RTL4: variants seen among roughly 807,000 people sequenced by gnomAD.
RTL4 encodes retrotransposon Gag-like protein 4.
A neutral mutation model predicts 5.3 loss-of-function variants in RTL4; 4 were observed. The observed-to-expected ratio is 0.75, with a 90% CI of 0.37 to 1.72. RTL4 has a LOEUF of 1.72. RTL4 is among the 40% of genes most tolerant of loss of function. The pLI, the probability that RTL4 is intolerant of heterozygous loss-of-function variation, is 0.04. For synonymous variants in RTL4, 98 were observed against 87.3 expected (o/e 1.12, Z -0.68); for missense variants, 260 against 227.1 (o/e 1.14, Z -0.93).
chrX:112,112,945 G>A, the RTL4 span, among the ~76,000 whole-genome samples: 9 of 111,497 alleles, frequency 8.1e-5, no homozygotes, highest in East Asian at 2.6e-3. Context: ...AGGGTATAGG[G>A]GTTGGGTACA....
At chrX:112,432,826 T>C in the RTL4 span, among the ~76,000 whole-genome samples, 1 of 111,290 alleles carries the variant, frequency 9.0e-6, no homozygotes, top group Admixed American at 9.6e-5. Context: ...GCCTGAATGA[T>C]ATTGCCTAGG....
chrX:112,095,782 G>A, the RTL4 span, among the ~76,000 whole-genome samples: 1 of 111,370 alleles, frequency 9.0e-6, no homozygotes, highest in African/African-American at 3.3e-5. Context: ...GGGTGGCTGA[G>A]GTACAGTGGT....
the RTL4 span, among the ~76,000 whole-genome samples, chrX:112,226,946 A>C: frequency 1.3e-5 from 1 of 76,879 alleles, no homozygotes; most frequent in African/African-American, 7.3e-5. Flanking sequence ...AAAATAAAAT[A>C]AAAATAAAAT....
the RTL4 span, among the ~76,000 whole-genome samples, chrX:112,228,065 A>G: frequency 4.5e-5 from 5 of 111,738 alleles, no homozygotes; most frequent in African/African-American, 1.6e-4. Context: ...ACATGCTTGT[A>G]AGCACTTGCT....
the RTL4 span, among the ~76,000 whole-genome samples, chrX:112,387,665 T>A: frequency 8.9e-6 from 1 of 112,168 alleles, no homozygotes; most frequent in East Asian, 2.8e-4. Context: ...ATTTATTGAA[T>A]AAGGAGTCTT....
At chrX:112,339,494 G>T in the RTL4 span, among the ~76,000 whole-genome samples, 1 of 111,976 alleles carries the variant, frequency 8.9e-6, no homozygotes, top group Non-Finnish European at 1.9e-5. Context: ...ATACAGAAAA[G>T]GTGGTTCATA....
chrX:112,157,538 C>T, the RTL4 span, among the ~76,000 whole-genome samples: 8 of 111,593 alleles, frequency 7.2e-5, no homozygotes, highest in African/African-American at 2.0e-4. Flanking sequence ...ATCTTCAGTT[C>T]GGTCAATAGC....
At chrX:112,136,517 A>G in the RTL4 span, among the ~76,000 whole-genome samples, 67 of 112,194 alleles carry the variant, frequency 6.0e-4, no homozygotes, top group Non-Finnish European at 1.1e-3. Flanking sequence ...AACTGTAAAA[A>G]CATTTATGAA....
the RTL4 span, among the ~76,000 whole-genome samples, chrX:112,441,141 G>A: frequency 2.7e-5 from 3 of 111,042 alleles, no homozygotes; most frequent in African/African-American, 6.5e-5. Context: ...CCCATGAAGC[G>A]TTAATCCAAT....
the RTL4 span, among the ~76,000 whole-genome samples, chrX:112,287,883 T>C: frequency 3.6e-5 from 4 of 112,108 alleles, no homozygotes; most frequent in Non-Finnish European, 7.5e-5. Flanking sequence ...CCAGTAGATA[T>C]GTCTTACACC....
At chrX:112,250,804 G>A in the RTL4 span, among the ~76,000 whole-genome samples, 5 of 112,169 alleles carry the variant, frequency 4.5e-5, no homozygotes, top group Non-Finnish European at 1.9e-5. Flanking sequence ...GATCAGACCT[G>A]CAGCTTATTT....
chrX:112,189,510 G>T, the RTL4 span, among the ~76,000 whole-genome samples: 1 of 111,064 alleles, frequency 9.0e-6, no homozygotes, highest in East Asian at 2.8e-4. Context: ...TATTAATAAA[G>T]AAATAGCTTT....
At chrX:112,253,718 C>G in the RTL4 span, among the ~76,000 whole-genome samples, 6 of 112,308 alleles carry the variant, frequency 5.3e-5, no homozygotes, top group Non-Finnish European at 1.1e-4. Flanking sequence ...CTTTAGTTAG[C>G]CTCCTCTGAG....
chrX:112,272,703 G>A, the RTL4 span, among the ~76,000 whole-genome samples: 2 of 109,721 alleles, frequency 1.8e-5, no homozygotes, highest in African/African-American at 6.9e-5. Context: ...TCAATTTTAA[G>A]TTGAGACAAT....
chrX:112,422,097 AT>A, the RTL4 span, among the ~76,000 whole-genome samples: 1 of 112,378 alleles, frequency 8.9e-6, no homozygotes, highest in African/African-American at 3.2e-5. Flanking sequence ...AAGGTTTGTT[AT>A]TTATGAAGTG....
chrX:112,183,424 G>A, the RTL4 span, among the ~76,000 whole-genome samples: 7 of 111,514 alleles, frequency 6.3e-5, no homozygotes, highest in East Asian at 2.8e-4. Context: ...GAACGATCTC[G>A]TGCAAAGTCA....
At chrX:112,159,071 T>G in the RTL4 span, among the ~76,000 whole-genome samples, 1 of 112,417 alleles carries the variant, frequency 8.9e-6, no homozygotes, top group Admixed American at 9.4e-5. Context: ...TGATTACCAT[T>G]GAGGTTTTTA....
the RTL4 span, among the ~76,000 whole-genome samples, chrX:112,299,195 A>G: frequency 9.0e-6 from 1 of 111,604 alleles, no homozygotes; most frequent in Non-Finnish European, 1.9e-5. Flanking sequence ...TGATCCTTCT[A>G]GGTGGTCTGA....
the RTL4 span, among the ~76,000 whole-genome samples, chrX:112,149,486 G>A: frequency 9.0e-6 from 1 of 111,115 alleles, no homozygotes; most frequent in Admixed American, 9.6e-5. Context: ...AAATATCTGG[G>A]GAAGAACATT....
Sources: gnomAD v4.1 joint callset for allele counts (sites outside exome capture counted in the v4.1 genomes callset) on GRCh38, gnomAD v4.1.1 for gene constraint, MANE v1.5 for transcripts, NCBI Gene and HGNC (gene_info 2026-07-23, HGNC 2026-07-21) for gene names.